The following AKAP13 variants were observed in gnomAD, a reference collection of about 807,000 sequenced individuals.
The protein encoded by AKAP13 is A-kinase anchor protein 13.
In AKAP13, 80 loss-of-function variants were observed where a neutral mutation model predicts 264.5. That is an observed-to-expected ratio of 0.30 (90% CI 0.25 to 0.36). The LOEUF (loss-of-function observed/expected upper bound fraction) is 0.36, where lower values mean the gene tolerates loss of function less well. Among genes scored for constraint, AKAP13 ranks in the 10% least tolerant of loss-of-function variants. The pLI is 1.00. For synonymous variants in AKAP13, 1,380 were observed against 1,250.2 expected, an observed-to-expected ratio of 1.10 and a Z score of -2.19; for missense variants, 3,712 against 3,435.2, an observed-to-expected ratio of 1.08 and a Z score of -2.01.
intron 8 of AKAP13, among the ~76,000 whole-genome samples, chr15:85,623,351 C>T (rs192193146): frequency 1.3e-5 from 2 of 152,276 alleles, no homozygotes; most frequent in East Asian, 3.9e-4. Context: ...TGAAATATGG[C>T]AGTAATTACA....
At chr15:85,510,392 C>T (rs1358586065) in intron 2 of AKAP13, among the ~76,000 whole-genome samples, 1 of 152,002 alleles carries the variant, frequency 6.6e-6, no homozygotes, top group Non-Finnish European at 1.5e-5. Context: ...TGTTATATTA[C>T]TAATAAATGT....
rs2077308482 is a variant in AKAP13, at chr15:85,533,687, A to G, written c.285A>G (p.Glu95=). ...AEEDFHFVQD[E]AYDAAQFLAT... is the part of the protein sequence containing the mutation. The stretch of plus-strand genomic sequence containing the variant: ...AAGACTTTCATTTCGTCCAGGATGA[A>G]GCGTATGATGCAGCTCAATTCCTAG... The change falls in exon 4 of 37, where the codon GAA becomes GAG. Residue 95 remains glutamate, a synonymous_variant. Coordinates refer to ENST00000394518, the MANE Select transcript of AKAP13 (RefSeq NM_007200.5). The G allele has an allele frequency of 1.2e-6, 2 of 1,614,162 alleles. No homozygotes were observed. The highest frequency in any genetic ancestry group is 1.7e-6 in the Non-Finnish European group (2 of 1,180,034).
intron 8 of AKAP13, among the ~76,000 whole-genome samples, chr15:85,605,212 A>G (rs555930350): frequency 6.6e-6 from 1 of 152,344 alleles, no homozygotes; most frequent in East Asian, 1.9e-4. Flanking sequence ...GTCTCGAATA[A>G]TTTACCATTT....
At chr15:85,534,060 G>T (rs530571454) in intron 4 of AKAP13, 180 bp downstream of exon 4, 2 of 613,378 alleles carry the variant, frequency 3.3e-6, no homozygotes, top group South Asian at 5.4e-5. Flanking sequence ...CAATTGAGCT[G>T]TTAAGCATGT....
chr15:85,575,125 A>G lies in AKAP13; in HGVS notation c.663-6A>G, dbSNP rs1381820682. ...ATATATATTAACCAGAGATGCTTGC[A>G]TGTAGGGAGAATGCTGGAGAACCAG... On this transcript the variant is annotated splice_region_variant and splice_polypyrimidine_tract_variant and intron_variant, in intron 5 of 36. Coordinates refer to ENST00000394518, the MANE Select transcript of AKAP13 (RefSeq NM_007200.5). 2 of 1,613,790 alleles carry G rather than the reference A, an allele frequency of 1.2e-6. No individual in the cohort carries two copies. The highest frequency in any genetic ancestry group is 8.5e-7 in the Non-Finnish European group (1 of 1,179,728).
intron 8 of AKAP13, chr15:85,619,728 A>AT (rs2081091319): frequency 6.0e-6 from 6 of 1,008,008 alleles, no homozygotes; most frequent in African/African-American, 1.7e-5. Context: ...TTTATTCTTT[A>AT]TTTTTTTACT....
Position 85,660,352 on chromosome 15 carries a change from C to CAA in AKAP13, c.4799+1788_4799+1789dup, listed in dbSNP as rs35636118. Among the ~76,000 whole-genome samples, 383 of 68,536 alleles carry CAA rather than the reference C, an allele frequency of 5.6e-3. 16 individuals carry two copies. Among genetic ancestry groups the CAA allele is most frequent in the East Asian group, 0.02 (35 of 1,716 alleles). 45.0% of individuals were successfully genotyped at this position (68,536 alleles called of 152,430 possible). On this transcript the variant is annotated intron_variant, in intron 12 of 36. Transcript: ENST00000394518. ...TGGGTGACAGAGTGAATCTAAGTCT[C>CAA]AAAAAAAAAAAAAAAAAAAAAAAAA...
intron 1 of AKAP13, among the ~76,000 whole-genome samples, chr15:85,423,666 G>A (rs1453996014): frequency 6.6e-6 from 1 of 152,188 alleles, no homozygotes; most frequent in African/African-American, 2.4e-5. Context: ...TTGATATTTT[G>A]ATGTTCTCCC....
At position 85,579,173 on chromosome 15, in the gene AKAP13, T is replaced by C. The variant is rs766535552; in HGVS notation, c.1105T>C (p.Cys369Arg). 6.2e-7 allele frequency: 1 copy of C among 1,614,100 alleles called. No homozygotes were observed. ...TGAGGAGGAGAATACAGACCGTTCC[T>C]GTAGGAAGAAAAATAAAGGCGTGGA... ...IVEEENTDRS[C>R]RKKNKGVERK... The change falls in exon 7 of 37, where the codon TGT becomes CGT. Residue 369 changes from cysteine (C) to arginine (R), a missense_variant. Cys to Arg is a radical substitution (Grantham distance 180, BLOSUM62 -3). Around this residue, in one of 3 missense-constraint regions of AKAP13, gnomAD observed 2,759 missense variants for 2,411.7 expected, o/e 1.14. Transcript: ENST00000394518.
rs1310919606 is a variant in AKAP13 at position 85,747,887 on chromosome 15, C to G, written c.*3210C>G. ...AGTCGCCCCTTTGCTCATTTTCTCC[C>G]GTATTTGTTACCTTCCTGAGGCCTC... On this transcript the variant is annotated 3_prime_UTR_variant, in exon 37 of 37. Transcript: ENST00000394518. 1 of 153,190 alleles carries G rather than the reference C, an allele frequency of 6.5e-6. No homozygotes were observed. Among genetic ancestry groups the G allele is most frequent in the Non-Finnish European group, 1.5e-5 (1 of 68,026 alleles). 9.5% of individuals were successfully genotyped at this position (153,190 alleles called of 1,614,324 possible). A position where few individuals can be genotyped will look rare whatever the true frequency, so the allele number is the denominator to read the frequency against.
intron 35 of AKAP13, 118 bp downstream of exon 35, chr15:85,741,613 T>TGA: frequency 7.1e-7 from 1 of 1,412,600 alleles, no homozygotes; most frequent in East Asian, 2.6e-5. Context: ...CAGATGCTCA[T>TGA]GCCTGTGATC....
At chr15:85,586,780 T>A (rs897707434) in intron 8 of AKAP13, among the ~76,000 whole-genome samples, 1 of 151,884 alleles carries the variant, frequency 6.6e-6, no homozygotes, top group African/African-American at 2.4e-5. Flanking sequence ...ACAAAAAAAT[T>A]AGCCGGGCGT....
intron 1 of AKAP13, among the ~76,000 whole-genome samples, chr15:85,459,521 A>G (rs542959004): frequency 7.2e-6 from 1 of 139,490 alleles, no homozygotes; most frequent in South Asian, 2.3e-4. Flanking sequence ...TTTTTTTGAG[A>G]TGGAGTCTCG....
chr15:85,518,937 A>G (rs557144173), intron 2 of AKAP13, among the ~76,000 whole-genome samples: 10 of 152,344 alleles, frequency 6.6e-5, no homozygotes, highest in Non-Finnish European at 1.3e-4. Context: ...GCCTATAATT[A>G]GCCACCTCCT....
chr15:85,461,261 G>A (rs1174731933), intron 1 of AKAP13, among the ~76,000 whole-genome samples: 1 of 152,080 alleles, frequency 6.6e-6, no homozygotes, highest in Non-Finnish European at 1.5e-5. Context: ...GATTACAAGT[G>A]CCTGCTACCA....
At chr15:85,428,725 C>T (rs1203449383) in intron 1 of AKAP13, among the ~76,000 whole-genome samples, 1 of 152,150 alleles carries the variant, frequency 6.6e-6, no homozygotes, top group Non-Finnish European at 1.5e-5. Flanking sequence ...TCTTGCATAT[C>T]AGAGATGGTA....
intron 1 of AKAP13, among the ~76,000 whole-genome samples, chr15:85,438,475 T>C (rs1050663775): frequency 3.3e-5 from 5 of 150,630 alleles, no homozygotes; most frequent in South Asian, 2.1e-4. Context: ...TACTTTAAAG[T>C]TCATATGGAA....
intron 16 of AKAP13, among the ~76,000 whole-genome samples, chr15:85,691,690 T>A (rs1437970005): frequency 2.6e-5 from 4 of 152,136 alleles, no homozygotes; most frequent in African/African-American, 4.8e-5. Context: ...GTCTCATGTC[T>A]CATTTGCTGG....
intron 1 of AKAP13, among the ~76,000 whole-genome samples, chr15:85,484,699 TTC>T (rs1353023058): frequency 1.3e-5 from 2 of 152,182 alleles, no homozygotes; most frequent in Non-Finnish European, 2.9e-5. Flanking sequence ...ATCGAGATGG[TTC>T]TGTTATTTGA....
Sources: gnomAD v4.1 joint callset for allele counts (sites outside exome capture counted in the v4.1 genomes callset) on GRCh38, gnomAD v4.1.1 for gene constraint, gnomAD v4.1.1 regional missense constraint, MANE v1.5 for transcripts, NCBI Gene and HGNC (gene_info 2026-07-23, HGNC 2026-07-21) for gene names.